The following CUBN variants were observed in gnomAD, a reference collection of about 807,000 sequenced individuals.
CUBN encodes the protein 460 kDa receptor.
Under a neutral mutation model 405.3 loss-of-function variants are expected in CUBN, and 282 were observed. That is an observed-to-expected ratio of 0.70 (90% confidence interval 0.63 to 0.77). The LOEUF is 0.77. CUBN is among the 30% of genes least tolerant of loss of function. The probability of loss-of-function intolerance (pLI) is 0.00; values close to 1 mark genes in which losing one functional copy is unlikely to be tolerated. For synonymous variants in CUBN, 1,684 were observed against 1,617.0 expected (o/e 1.04, Z -0.99); for missense variants, 4,514 against 4,475.2 (o/e 1.01, Z -0.25).
rs537047483 is a variant in CUBN at position 16,894,123 on chromosome 10, A to G, written c.8599-3596T>C. ...TGAGACTTCTTTATATATTTTACAT[A>G]GTAGTACATTGCCTATGTGAAGAAA... On this transcript the variant is annotated intron_variant, in intron 54 of 66. Transcript: ENST00000377833. Among the ~76,000 whole-genome samples the G allele has an allele frequency of 2.7e-3, 417 of 152,332 alleles. 3 individuals carry two copies. Among genetic ancestry groups the G allele is most frequent in the South Asian group, 9.3e-3 (45 of 4,832 alleles).
chr10:17,016,856 G>C (rs952140612), intron 28 of CUBN, among the ~76,000 whole-genome samples: 16 of 152,128 alleles, frequency 1.1e-4, no homozygotes, highest in Admixed American at 1.0e-3. Context: ...GCATAGTTGT[G>C]TATTCACCTT....
chr10:17,051,126 T>A (rs570091582), intron 22 of CUBN, among the ~76,000 whole-genome samples: 5 of 150,406 alleles, frequency 3.3e-5, no homozygotes, highest in African/African-American at 1.2e-4. Flanking sequence ...CTTTAGGAGG[T>A]CAAGGCAGGT....
intron 43 of CUBN, 97 bp downstream of exon 43, chr10:16,925,144 A>T: frequency 1.1e-6 from 1 of 908,742 alleles, no homozygotes. Context: ...CATTCTTATT[A>T]ATTCTATTAC....
chr10:17,046,000 T>G lies in CUBN; in HGVS notation c.3424A>C (p.Lys1142Gln), dbSNP rs979772169. The change falls in exon 24 of 67, where the codon AAA becomes CAA. Residue 1142 changes from lysine to glutamine, a missense_variant. Coordinates refer to ENST00000377833, the MANE Select transcript of CUBN (RefSeq NM_001081.4). ...IISHSNKLWL[K>Q]FKSDQIDTRS... ...GTGTCTATTTGGTCACTCTTAAATTTTAACCATAGTTTGTTACTATGAGAG... is the reference window on the plus strand; with the variant it reads ...GTGTCTATTTGGTCACTCTTAAATTGTAACCATAGTTTGTTACTATGAGAG... 6.2e-7 allele frequency: 1 copy of G among 1,614,030 alleles called. No individual in the cohort carries two copies. Among genetic ancestry groups the G allele is most frequent in the African/African-American group, 1.3e-5 (1 of 75,018 alleles).
chr10:16,930,816 G>C lies in CUBN; in HGVS notation c.6124+2271C>G, dbSNP rs78020571. 9.6e-3 allele frequency among the ~76,000 whole-genome samples: 1,459 copies of C among 152,324 alleles called. 22 individuals are homozygous for C. Among genetic ancestry groups the C allele is most frequent in the African/African-American group, 0.033 (1,355 of 41,558 alleles). On this transcript the variant is annotated intron_variant, in intron 40 of 66. Coordinates refer to ENST00000377833, the MANE Select transcript of CUBN (RefSeq NM_001081.4). ...TACGGCCAAAGGCCTGTGATGACAGGCCAATTGCATGAGCAGGAATAGCCT... is the reference window on the plus strand; with the variant it reads ...TACGGCCAAAGGCCTGTGATGACAGCCCAATTGCATGAGCAGGAATAGCCT...
chr10:16,864,964 T>C (rs1840132503), intron 59 of CUBN, among the ~76,000 whole-genome samples: 1 of 137,268 alleles, frequency 7.3e-6, no homozygotes, highest in African/African-American at 2.8e-5. Flanking sequence ...TTTTTTTTTT[T>C]TTTTTTTTTT....
chr10:17,075,293 A>C (rs1232113743), intron 17 of CUBN, among the ~76,000 whole-genome samples: 1 of 152,048 alleles, frequency 6.6e-6, no homozygotes, highest in East Asian at 1.9e-4. Context: ...TATGTTGGCC[A>C]GGCTGGTCTT....
chr10:16,978,717 T>C lies in CUBN; in HGVS notation c.4695+3767A>G, dbSNP rs373275812. On this transcript the variant is annotated intron_variant, in intron 31 of 66. Transcript: ENST00000377833. The stretch of plus-strand genomic sequence containing the variant: ...CAAGAGAATCTGGTTTGTATTTGAA[T>C]GAAATGTTGATATACACAAATGAAA... Among the ~76,000 whole-genome samples, 22 of 152,306 alleles carry C rather than the reference T, an allele frequency of 1.4e-4. No homozygotes were observed. In the East Asian group the frequency reaches 3.9e-3, roughly 27 times the overall value.
chr10:16,920,282 A>T, intron 43 of CUBN, 145 bp from the exon 44 acceptor site: 1 of 910,422 alleles, frequency 1.1e-6, no homozygotes. Context: ...TTTTCCAGCA[A>T]ACAAATTCTC....
intron 4 of CUBN, among the ~76,000 whole-genome samples, chr10:17,124,715 A>G (rs1264375441): frequency 6.6e-6 from 1 of 152,194 alleles, no homozygotes; most frequent in East Asian, 1.9e-4. Flanking sequence ...GGTGTGAGCC[A>G]CCGCGCCCAG....
At chr10:17,082,842 A>G (rs1474463334) in intron 17 of CUBN, among the ~76,000 whole-genome samples, 1 of 152,232 alleles carries the variant, frequency 6.6e-6, no homozygotes, top group Non-Finnish European at 1.5e-5. Flanking sequence ...TCTGGGCTAC[A>G]GTTTCCTAAG....
At position 16,963,506 on chromosome 10, in the gene CUBN, G is replaced by A. The variant is rs1196763361; in HGVS notation, c.4696-8958C>T. 5.3e-5 allele frequency among the ~76,000 whole-genome samples: 8 copies of A among 152,076 alleles called. No homozygotes were observed. In the South Asian group the frequency reaches 1.0e-3, roughly 20 times the overall value. The stretch of plus-strand genomic sequence containing the variant: ...CCGGCCTCATATATAAATTTCTAAC[G>A]AAATTTAACATACAGAAAAGTTAAA... On this transcript the variant is annotated intron_variant, in intron 31 of 66. Transcript: ENST00000377833.
intron 28 of CUBN, among the ~76,000 whole-genome samples, chr10:17,015,241 G>T (rs936499851): frequency 1.3e-5 from 2 of 152,178 alleles, no homozygotes; most frequent in Non-Finnish European, 2.9e-5. Flanking sequence ...TTTGGACTGG[G>T]TGGGCATTTT....
chr10:16,875,929 C>T (rs182588310), intron 57 of CUBN, among the ~76,000 whole-genome samples: 19 of 152,258 alleles, frequency 1.2e-4, no homozygotes, highest in South Asian at 4.1e-4. Flanking sequence ...GGAGAGGAAA[C>T]GTTAATTGCG....
chr10:16,862,326 G>T (rs1840044660), intron 59 of CUBN, among the ~76,000 whole-genome samples: 1 of 152,168 alleles, frequency 6.6e-6, no homozygotes, highest in African/African-American at 2.4e-5. Flanking sequence ...TTGGACCACA[G>T]ACAAATTACT....
chr10:16,878,203 G>C (rs1190577425), intron 56 of CUBN, among the ~76,000 whole-genome samples: 14 of 152,144 alleles, frequency 9.2e-5, no homozygotes, highest in Admixed American at 3.3e-4. Flanking sequence ...CAAGAGAATC[G>C]CTTGAACCTG....
chr10:16,892,019 C>T (rs748660547), intron 54 of CUBN, among the ~76,000 whole-genome samples: 24 of 152,138 alleles, frequency 1.6e-4, no homozygotes, highest in Non-Finnish European at 2.9e-4. Flanking sequence ...TTACTCATTC[C>T]AAACACATCT....
At chr10:16,849,042 A>G (rs2131334042) in intron 60 of CUBN, among the ~76,000 whole-genome samples, 1 of 152,196 alleles carries the variant, frequency 6.6e-6, no homozygotes, top group South Asian at 2.1e-4. Flanking sequence ...TTAAACTGGA[A>G]TTGACATTCC....
intron 59 of CUBN, among the ~76,000 whole-genome samples, chr10:16,861,517 C>CT (rs1428089936): frequency 1.3e-5 from 2 of 152,060 alleles, no homozygotes; most frequent in African/African-American, 4.8e-5. Flanking sequence ...AAAATTCTCG[C>CT]ATGTGAAATG....
Sources: gnomAD v4.1 joint callset for allele counts (sites outside exome capture counted in the v4.1 genomes callset) on GRCh38, gnomAD v4.1.1 for gene constraint, MANE v1.5 for transcripts, NCBI Gene and HGNC (gene_info 2026-07-23, HGNC 2026-07-21) for gene names.